ASCC3: variants seen among roughly 807,000 people sequenced by gnomAD.
ASCC3 encodes the protein ASC-1 complex subunit P200.
Under a neutral mutation model 256.3 loss-of-function variants are expected in ASCC3, and 158 were observed. The ratio of observed to expected loss-of-function variants is 0.62; its 90% CI spans 0.54 to 0.70. ASCC3 has a LOEUF of 0.70. Ranked by LOEUF, ASCC3 falls within the 30% of genes least tolerant of loss-of-function variation. The pLI, the probability that ASCC3 is intolerant of heterozygous loss-of-function variation, is 0.00. For synonymous variants in ASCC3, 948 were observed against 883.4 expected (o/e 1.07, Z -1.30); for missense variants, 2,259 against 2,626.0 (o/e 0.86, Z 3.05).
intron 8 of ASCC3, among the ~76,000 whole-genome samples, chr6:100,786,208 C>A (rs1769070506): frequency 6.6e-6 from 1 of 152,154 alleles, no homozygotes; most frequent in African/African-American, 2.4e-5. Flanking sequence ...AATAACTCAA[C>A]ATGTCAGATG....
rs118161143 is a variant in ASCC3, at chr6:100,637,048, T to G, written c.4122+1553A>C. On this transcript the variant is annotated intron_variant, in intron 25 of 41. Transcript: ENST00000369162. ...CAATAAACAACAGAGTTTTAATGTA[T>G]ACAAAATAGCCTAATATTGGAGGAG... 1.8e-4 allele frequency among the ~76,000 whole-genome samples: 27 copies of G among 152,314 alleles called. No homozygotes were observed. In the East Asian group the frequency reaches 5.2e-3, roughly 29 times the overall value.
At chr6:100,699,962 T>G (rs905464272) in intron 13 of ASCC3, among the ~76,000 whole-genome samples, 1 of 152,128 alleles carries the variant, frequency 6.6e-6, no homozygotes, top group African/African-American at 2.4e-5. Flanking sequence ...GCATAAAAGT[T>G]GGGAAAATGT....
chr6:100,594,038 T>C (rs563131085), intron 34 of ASCC3, among the ~76,000 whole-genome samples: 54 of 152,134 alleles, frequency 3.5e-4, no homozygotes, highest in African/African-American at 1.3e-3. Context: ...CACACAAGAA[T>C]ATAAATAGAC....
intron 1 of ASCC3, among the ~76,000 whole-genome samples, chr6:100,878,290 T>C (rs1769089224): frequency 6.6e-6 from 1 of 152,210 alleles, no homozygotes; most frequent in Admixed American, 6.5e-5. Flanking sequence ...GGGGCTCTTA[T>C]TCTCTAACTT....
intron 36 of ASCC3, among the ~76,000 whole-genome samples, chr6:100,556,079 ACTTT>A (rs1769558610): frequency 6.6e-6 from 1 of 152,198 alleles, no homozygotes; most frequent in African/African-American, 2.4e-5. Flanking sequence ...ATTAGAAGTG[ACTTT>A]CTTTGTAATT....
At chr6:100,796,242 T>C (rs529862808) in intron 8 of ASCC3, among the ~76,000 whole-genome samples, 1 of 152,182 alleles carries the variant, frequency 6.6e-6, no homozygotes, top group Middle Eastern at 3.2e-3. Flanking sequence ...GAATTGCTCA[T>C]GGCTGTGTTA....
chr6:100,862,100 A>C (rs1238756885), intron 3 of ASCC3, among the ~76,000 whole-genome samples: 1 of 152,168 alleles, frequency 6.6e-6, no homozygotes, highest in Non-Finnish European at 1.5e-5. Flanking sequence ...ACAAATGAAG[A>C]TGTGATGAAG....
chr6:100,799,128 T>C (rs1002766194), intron 7 of ASCC3, among the ~76,000 whole-genome samples: 8 of 152,058 alleles, frequency 5.3e-5, no homozygotes, highest in African/African-American at 1.9e-4. Flanking sequence ...TACAAATGTA[T>C]TCATATAATT....
chr6:100,860,041 T>C (rs1464246102), intron 3 of ASCC3, among the ~76,000 whole-genome samples: 1 of 152,044 alleles, frequency 6.6e-6, no homozygotes, highest in Admixed American at 6.6e-5. Flanking sequence ...CCCATCTTAG[T>C]TTCTGTCTGC....
At position 100,631,154 on chromosome 6, in the gene ASCC3, A is replaced by AAC; in HGVS notation, c.4180_4181dup (p.Arg1395LeufsTer3). On this transcript the variant is annotated frameshift_variant, in exon 26 of 42. Coordinates refer to ENST00000369162, the MANE Select transcript of ASCC3 (RefSeq NM_006828.4). LOFTEE classifies it high-confidence loss of function. ...TTTTACCAAGTTTTTCTTCTATTCT[A>AAC]ACTTTCCAATCATCCATTCTTTCAC... The AAC allele has an allele frequency of 6.2e-7, 1 of 1,612,232 alleles. No homozygotes were observed. The highest frequency in any genetic ancestry group is 8.5e-7 in the Non-Finnish European group (1 of 1,178,830).
chr6:100,660,731 C>T lies in ASCC3; in HGVS notation c.2703+1075G>A, dbSNP rs118184188. Among the ~76,000 whole-genome samples the T allele has an allele frequency of 1.7e-3, 256 of 151,738 alleles. 1 individual carries two copies. Among genetic ancestry groups the T allele is most frequent in the Admixed American group, 2.2e-3 (34 of 15,192 alleles). ...CTTCACCTAAAAGTCCCAATTTTCT[C>T]ATAAAATAAAGATACTCTCACTGGA... On this transcript the variant is annotated intron_variant, in intron 16 of 41. Transcript: ENST00000369162.
intron 9 of ASCC3, 70 bp downstream of exon 9, chr6:100,767,075 T>C: frequency 6.8e-7 from 1 of 1,460,448 alleles, no homozygotes; most frequent in Non-Finnish European, 9.5e-7. Flanking sequence ...AAATTTCATG[T>C]AATATTAAAA....
intron 26 of ASCC3, 91 bp from the exon 27 acceptor site, chr6:100,629,272 T>G: frequency 8.3e-7 from 1 of 1,198,538 alleles, no homozygotes; most frequent in African/African-American, 1.5e-5. Flanking sequence ...AAATAAAATT[T>G]TATAAGGCTT....
At position 100,864,330 on chromosome 6, in the gene ASCC3, A is replaced by G. The variant is rs535541213; in HGVS notation, c.91-116T>C. On this transcript the variant is annotated intron_variant, in intron 2 of 41. Transcript: ENST00000369162. ...ACTTGGTACTACCCACAAGAATTCAAAGTTGTATCTATTCACATCCAAACT... is the reference window on the plus strand; with the variant it reads ...ACTTGGTACTACCCACAAGAATTCAGAGTTGTATCTATTCACATCCAAACT... The G allele has an allele frequency of 2.9e-4, 266 of 912,372 alleles. 1 individual carries two copies. The African/African-American group carries it at 4.0e-3, about 14-fold the overall frequency. The allele number at this position is 912,372 out of a possible 1,614,324, so 56.5% of individuals were successfully genotyped here. A position where few individuals can be genotyped will look rare whatever the true frequency, so the allele number is the denominator to read the frequency against.
intron 41 of ASCC3, 81 bp from the exon 42 acceptor site, chr6:100,509,614 T>G (rs1773653876): frequency 1.4e-5 from 19 of 1,404,884 alleles, no homozygotes; most frequent in South Asian, 2.4e-5. Flanking sequence ...ACTTTGGTAG[T>G]AGGAGGCTGG....
intron 36 of ASCC3, among the ~76,000 whole-genome samples, chr6:100,569,041 T>C (rs1490728415): frequency 6.6e-6 from 1 of 152,030 alleles, no homozygotes; most frequent in Non-Finnish European, 1.5e-5. Context: ...GGCCTAGTCA[T>C]AAATTATTTC....
chr6:100,684,467 G>T (rs575167844), intron 13 of ASCC3, among the ~76,000 whole-genome samples: 13 of 152,248 alleles, frequency 8.5e-5, no homozygotes, highest in African/African-American at 2.9e-4. Context: ...CATTTCTAAG[G>T]AGTTCAAAGA....
At chr6:100,520,572 C>A (rs1774254675) in intron 37 of ASCC3, among the ~76,000 whole-genome samples, 1 of 152,050 alleles carries the variant, frequency 6.6e-6, no homozygotes, top group African/African-American at 2.4e-5. Flanking sequence ...TACAGTCAAG[C>A]ACCACATAAT....
chr6:100,673,209 A>C (rs1776841952), intron 14 of ASCC3, among the ~76,000 whole-genome samples: 1 of 152,104 alleles, frequency 6.6e-6, no homozygotes, highest in Admixed American at 6.6e-5. Flanking sequence ...GATAAATCTC[A>C]TCTAAAATTG....
Sources: gnomAD v4.1 joint callset for allele counts (sites outside exome capture counted in the v4.1 genomes callset) on GRCh38, gnomAD v4.1.1 for gene constraint, MANE v1.5 for transcripts, NCBI Gene and HGNC (gene_info 2026-07-23, HGNC 2026-07-21) for gene names.